Variants in ZNF184 observed in about 807,000 individuals in gnomAD.
ZNF184 encodes the protein zinc finger protein 184 (Kruppel-like).
Under a neutral mutation model 54.4 loss-of-function variants are expected in ZNF184, and 16 were observed. The observed-to-expected ratio is 0.29, with a 90% CI of 0.20 to 0.45. The LOEUF is 0.45. Ranked by LOEUF, ZNF184 falls within the 20% of genes least tolerant of loss-of-function variation. The probability of loss-of-function intolerance (pLI) is 1.00; values close to 1 mark genes in which losing one functional copy is unlikely to be tolerated. For synonymous variants in ZNF184, 254 were observed against 295.3 expected, an observed-to-expected ratio of 0.86 and a Z score of 1.43; for missense variants, 681 against 888.2, an observed-to-expected ratio of 0.77 and a Z score of 2.97.
At chr6:27,427,661 C>T in the ZNF184 span, among the ~76,000 whole-genome samples, 2 of 152,172 alleles carry the variant, frequency 1.3e-5, no homozygotes, top group African/African-American at 4.8e-5. Context: ...CCCACATTTC[C>T]AGCTACTTCC....
downstream of ZNF184, among the ~76,000 whole-genome samples, chr6:27,446,813 T>C (rs1268852329): frequency 2.0e-5 from 3 of 152,142 alleles, no homozygotes; most frequent in Non-Finnish European, 1.5e-5. Flanking sequence ...CCCCTAGATG[T>C]AGGACAAAGA....
At chr6:27,430,167 G>A in the ZNF184 span, among the ~76,000 whole-genome samples, 1 of 152,150 alleles carries the variant, frequency 6.6e-6, no homozygotes. Flanking sequence ...TCTTTCACAC[G>A]GGGATTTTAT....
In ZNF184 at chr6:27,457,296, G is replaced by A; in HGVS notation, c.189C>T (p.His63=). 6.2e-7 allele frequency: 1 copy of A among 1,613,962 alleles called. No homozygotes were observed. Among genetic ancestry groups the A allele is most frequent in the Non-Finnish European group, 8.5e-7 (1 of 1,179,960 alleles). ...FRDVTLENYT[H]LVSIGLQVSK... is the part of the protein sequence containing the mutation. ...AATTATCCTTACCTATAGAGACCAG[G>A]TGTGTATAATTTTCCAATGTCACAT... The change falls in exon 4 of 6, where the codon CAC becomes CAT. Residue 63 remains histidine, a synonymous_variant. Transcript: ENST00000683788.
the ZNF184 span, among the ~76,000 whole-genome samples, chr6:27,434,275 C>T: frequency 6.6e-6 from 1 of 152,126 alleles, no homozygotes; most frequent in Non-Finnish European, 1.5e-5. Context: ...TAATCTGCAC[C>T]ATTTTACATT....
At chr6:27,434,133 G>A in the ZNF184 span, among the ~76,000 whole-genome samples, 130 of 152,102 alleles carry the variant, frequency 8.5e-4, no homozygotes, top group African/African-American at 2.7e-3. Context: ...TGATCCTCCC[G>A]CCTCAGCCTC....
chr6:27,451,745 T>G lies in ZNF184; in HGVS notation c.1814A>C (p.Lys605Thr), dbSNP rs778880971. The G allele has an allele frequency of 1.5e-5, 25 of 1,613,922 alleles. No individual in the cohort carries two copies. Among genetic ancestry groups the G allele is most frequent in the Non-Finnish European group, 2.0e-5 (24 of 1,179,970 alleles). Residue 605 changes from lysine to threonine, a missense_variant, in exon 6 of 6, where the codon AAG becomes ACG. Lys to Thr is a moderately conservative substitution (Grantham distance 78). Transcript: ENST00000683788. ...FNQNIHLTQH[K>T]RIHTGAKPYE... ...AGGCTTGGCTCCTGTATGAATTCTC[T>G]TATGCTGTGTAAGGTGTATGTTCTG...
At chr6:27,407,617 T>C in the ZNF184 span, 1 of 569,476 alleles carries the variant, frequency 1.8e-6, no homozygotes, top group East Asian at 3.2e-5. Context: ...AAACAGGTTA[T>C]ATAACAAGTG....
chr6:27,452,864 C>T lies in ZNF184; in HGVS notation c.695G>A (p.Ser232Asn). ...CKCNECGKAF[S>N]YCSALIRHQR... ...ATGGCGAATAAGAGCTGAACAATAA[C>T]TAAAGGCTTTCCCACATTCATTGCA... Residue 232 changes from serine (S) to asparagine (N), a missense_variant, in exon 6 of 6, where the codon AGT (serine) becomes AAT (asparagine). Coordinates refer to ENST00000683788, the MANE Select transcript of ZNF184 (RefSeq NM_001318891.2). This position sits in a 1 kb window ranked among gnomAD's most constrained non-coding sequence, Gnocchi z 5.5. 6.2e-7 allele frequency: 1 copy of T among 1,614,126 alleles called. No individual in the cohort carries two copies. The highest frequency in any genetic ancestry group is 1.7e-5 in the Admixed American group (1 of 60,016).
chr6:27,418,341 C>T, the ZNF184 span, among the ~76,000 whole-genome samples: 1 of 152,210 alleles, frequency 6.6e-6, no homozygotes, highest in Admixed American at 6.5e-5. Flanking sequence ...CTGGATAGGA[C>T]CTGGCAGATC....
intron 5 of ZNF184, among the ~76,000 whole-genome samples, chr6:27,454,902 G>C (rs1005694700): frequency 1.3e-5 from 2 of 152,122 alleles, no homozygotes; most frequent in African/African-American, 2.4e-5. Flanking sequence ...ACAACCAGGG[G>C]ACAAGAAAAC....
chr6:27,411,717 A>G, the ZNF184 span, among the ~76,000 whole-genome samples: 1 of 152,264 alleles, frequency 6.6e-6, no homozygotes, highest in Admixed American at 6.5e-5. Flanking sequence ...GGCCCAAATT[A>G]CTGTGACTTG....
the ZNF184 span, among the ~76,000 whole-genome samples, chr6:27,424,142 G>C: frequency 6.6e-6 from 1 of 152,184 alleles, no homozygotes; most frequent in Non-Finnish European, 1.5e-5. Flanking sequence ...CCCTGGCTCA[G>C]AAGTGAAGCT....
the ZNF184 span, among the ~76,000 whole-genome samples, chr6:27,411,826 A>T: frequency 6.6e-6 from 1 of 152,256 alleles, no homozygotes; most frequent in Non-Finnish European, 1.5e-5. Flanking sequence ...TCTGTCAGCC[A>T]GCAGGTGGAG....
chr6:27,457,306 T>C lies in ZNF184; in HGVS notation c.179A>G (p.Asn60Ser), dbSNP rs1166157855. ...RDLFRDVTLE[N>S]YTHLVSIGLQ... Reference sequence around the variant, plus strand: ...ACCTATAGAGACCAGGTGTGTATAATTTTCCAATGTCACATCCCTGAACAA... The same window carrying C: ...ACCTATAGAGACCAGGTGTGTATAACTTTCCAATGTCACATCCCTGAACAA... The change falls in exon 4 of 6, where the codon AAT becomes AGT. Residue 60 changes from asparagine (N) to serine (S), a missense_variant. Coordinates refer to ENST00000683788, the MANE Select transcript of ZNF184 (RefSeq NM_001318891.2). 1 of 1,613,908 alleles carries C rather than the reference T, an allele frequency of 6.2e-7. No individual in the cohort carries two copies. Among genetic ancestry groups the C allele is most frequent in the Non-Finnish European group, 8.5e-7 (1 of 1,179,976 alleles).
the ZNF184 span, among the ~76,000 whole-genome samples, chr6:27,432,807 C>T: frequency 6.6e-6 from 1 of 152,200 alleles, no homozygotes; most frequent in African/African-American, 2.4e-5. This position sits in a 1 kb window ranked among gnomAD's most constrained non-coding sequence, Gnocchi z 4.0. Context: ...TTACTGCATC[C>T]ATGAATAGTA....
chr6:27,464,175 T>G (rs1038327341), intron 3 of ZNF184, among the ~76,000 whole-genome samples: 9 of 152,298 alleles, frequency 5.9e-5, no homozygotes, highest in East Asian at 1.9e-4. Flanking sequence ...TACTGATTTA[T>G]AAAAATGAAT....
At chr6:27,444,303 A>C in the ZNF184 span, among the ~76,000 whole-genome samples, 1 of 152,008 alleles carries the variant, frequency 6.6e-6, no homozygotes, top group African/African-American at 2.4e-5. Context: ...TTTAACCACC[A>C]TATTATTTAT....
At chr6:27,445,449 G>A in the ZNF184 span, among the ~76,000 whole-genome samples, 1 of 151,888 alleles carries the variant, frequency 6.6e-6, no homozygotes, top group Admixed American at 6.6e-5. Flanking sequence ...CTTTACCAGG[G>A]TGATTAGGTT....
chr6:27,451,896 C>G lies in ZNF184; in HGVS notation c.1663G>C (p.Glu555Gln), dbSNP rs1762734676. ...LAKHERIHTG[E>Q]KPYQCHECGK... ...CATTCATGACACTGATAGGGTTTCT[C>G]TCCAGTATGAATTCTTTCATGCTTA... The change falls in exon 6 of 6, where the codon GAG becomes CAG. Residue 555 changes from glutamate to glutamine, a missense_variant. Coordinates refer to ENST00000683788, the MANE Select transcript of ZNF184 (RefSeq NM_001318891.2). 1 of 1,612,492 alleles carries G rather than the reference C, an allele frequency of 6.2e-7. No homozygotes were observed. Among genetic ancestry groups the G allele is most frequent in the Non-Finnish European group, 8.5e-7 (1 of 1,179,994 alleles).
Sources: gnomAD v4.1 joint callset for allele counts (sites outside exome capture counted in the v4.1 genomes callset) on GRCh38, gnomAD v4.1.1 for gene constraint, Gnocchi (gnomAD v3.1) non-coding constraint, MANE v1.5 for transcripts, NCBI Gene and HGNC (gene_info 2026-07-23, HGNC 2026-07-21) for gene names.